Variants in CSGALNACT1 observed in about 807,000 individuals in gnomAD.
CSGALNACT1 encodes the protein chondroitin sulfate N-acetylgalactosaminyltransferase 1.
CSGALNACT1 carries 52 observed loss-of-function variants against 51.0 expected under a neutral mutation model. That is an observed-to-expected ratio of 1.02 (90% CI 0.82 to 1.29). The LOEUF is 1.29. CSGALNACT1 is among the 50% of genes most tolerant of loss of function. The pLI, the probability that CSGALNACT1 is intolerant of heterozygous loss-of-function variation, is 0.00. For synonymous variants in CSGALNACT1, 341 were observed against 254.4 expected (o/e 1.34, Z -3.24); for missense variants, 935 against 679.2 (o/e 1.38, Z -4.19).
At chr8:19,458,324 G>A in intron 5 of CSGALNACT1, 102 bp downstream of exon 4, 1 of 980,062 alleles carries the variant, frequency 1.0e-6, no homozygotes, top group Non-Finnish European at 1.7e-6. Flanking sequence ...GAGAAAGGAG[G>A]CTTTGTACTC....
At chr8:19,685,946 G>T (rs1442096286), upstream of CSGALNACT1, among the ~76,000 whole-genome samples, 1 of 152,090 alleles carries the variant, frequency 6.6e-6, no homozygotes, top group African/African-American at 2.4e-5. Flanking sequence ...TAAAACTTGG[G>T]TAGTGCCATC....
At chr8:19,513,462 A>ATATATATATATATATATATATATTTT (rs1226907527) in intron 3 of CSGALNACT1, among the ~76,000 whole-genome samples, 2 of 140,214 alleles carry the variant, frequency 1.4e-5, no homozygotes, top group African/African-American at 5.4e-5. Context: ...ATATATATAT[A>ATATATATATATATATATATATATTTT]TTTTGTGCCA....
chr8:19,635,348 G>A (rs2055890619), intron 1 of CSGALNACT1, among the ~76,000 whole-genome samples: 1 of 152,208 alleles, frequency 6.6e-6, no homozygotes, highest in Admixed American at 6.5e-5. Context: ...CTTGCCTACA[G>A]CATCTCCTGA....
chr8:19,465,579 T>A (rs955799620), intron 4 of CSGALNACT1, among the ~76,000 whole-genome samples: 10 of 152,246 alleles, frequency 6.6e-5, no homozygotes, highest in Non-Finnish European at 1.2e-4. Context: ...TGCACATGTC[T>A]ATGCTTCCAC....
intron 8 of CSGALNACT1, among the ~76,000 whole-genome samples, chr8:19,409,789 G>T (rs924827400): frequency 6.6e-6 from 1 of 152,108 alleles, no homozygotes. Flanking sequence ...GAGGGGAGAA[G>T]CATCAGAGTC....
At chr8:19,706,706 G>A (rs1037209083) in intron 1 of CSGALNACT1, among the ~76,000 whole-genome samples, 2 of 152,142 alleles carry the variant, frequency 1.3e-5, no homozygotes, top group African/African-American at 4.8e-5. Context: ...GACATCAGGT[G>A]TGGGCACTCC....
At chr8:19,745,186 T>C (rs967035720) in intron 1 of CSGALNACT1, among the ~76,000 whole-genome samples, 1 of 152,304 alleles carries the variant, frequency 6.6e-6, no homozygotes. Flanking sequence ...TCAAATAGGG[T>C]TTAGCACATA....
At chr8:19,432,741 A>G (rs1172498656) in intron 6 of CSGALNACT1, among the ~76,000 whole-genome samples, 1 of 151,818 alleles carries the variant, frequency 6.6e-6, no homozygotes, top group Non-Finnish European at 1.5e-5. Context: ...CGTTTTTGTT[A>G]TTGTAGTTTT....
intron 1 of CSGALNACT1, among the ~76,000 whole-genome samples, chr8:19,674,219 G>A (rs553178443): frequency 7.8e-4 from 119 of 152,314 alleles, no homozygotes; most frequent in African/African-American, 2.8e-3. Context: ...TTCGAACCTG[G>A]GAGGTGGAGG....
intron 1 of CSGALNACT1, among the ~76,000 whole-genome samples, chr8:19,649,087 G>A (rs182484372): frequency 6.6e-6 from 1 of 152,148 alleles, no homozygotes; most frequent in Non-Finnish European, 1.5e-5. Flanking sequence ...TGTATTCTGT[G>A]TGCCAATAAT....
chr8:19,676,833 T>C (rs1009107807), intron 1 of CSGALNACT1, among the ~76,000 whole-genome samples: 2 of 152,186 alleles, frequency 1.3e-5, no homozygotes, highest in African/African-American at 4.8e-5. Context: ...GGCTCGGTAC[T>C]GGAACCAAAG....
intron 1 of CSGALNACT1, among the ~76,000 whole-genome samples, chr8:19,719,142 A>G (rs1231405479): frequency 6.6e-6 from 1 of 152,204 alleles, no homozygotes; most frequent in African/African-American, 2.4e-5. Context: ...CATACACTAT[A>G]CAAAACAGTA....
intron 1 of CSGALNACT1, among the ~76,000 whole-genome samples, chr8:19,660,714 T>C (rs1221054058): frequency 1.3e-5 from 2 of 151,958 alleles, no homozygotes; most frequent in African/African-American, 4.8e-5. Flanking sequence ...AGAGCCTACC[T>C]CCCCATGATC....
intron 2 of CSGALNACT1, among the ~76,000 whole-genome samples, chr8:19,597,179 CTTTT>C (rs2049085620): frequency 6.6e-6 from 1 of 151,978 alleles, no homozygotes; most frequent in South Asian, 2.1e-4. Context: ...AATTTCTCTC[CTTTT>C]TAAGGCTGAA....
intron 4 of CSGALNACT1, among the ~76,000 whole-genome samples, chr8:19,490,175 T>C (rs2074050404): frequency 6.6e-6 from 1 of 152,134 alleles, no homozygotes; most frequent in South Asian, 2.1e-4. Context: ...AAATAGCGCA[T>C]GGAACATCAC....
chr8:19,435,470 TA>T (rs896911136), intron 6 of CSGALNACT1, among the ~76,000 whole-genome samples: 4 of 140,638 alleles, frequency 2.8e-5, no homozygotes, highest in African/African-American at 1.1e-4. Context: ...TCCAGCCTGG[TA>T]AAAAAGTGAG....
intron 9 of CSGALNACT1, among the ~76,000 whole-genome samples, 182 bp from the exon 9 acceptor site, chr8:19,406,251 C>T (rs915578364): frequency 2.6e-5 from 4 of 152,014 alleles, no homozygotes; most frequent in Non-Finnish European, 4.4e-5. Flanking sequence ...CCAACAAAGA[C>T]GACTTTTATG....
At chr8:19,668,347 C>CACAG (rs2059545072) in intron 1 of CSGALNACT1, among the ~76,000 whole-genome samples, 1 of 145,472 alleles carries the variant, frequency 6.9e-6, no homozygotes. Flanking sequence ...CGGTTACACA[C>CACAG]ACACACACAC....
intron 1 of CSGALNACT1, among the ~76,000 whole-genome samples, chr8:19,748,211 C>G (rs62494512): frequency 6.6e-6 from 1 of 152,104 alleles, no homozygotes; most frequent in South Asian, 2.1e-4. Context: ...ATTACCTTTC[C>G]GGTAACTAAT....
Sources: gnomAD v4.1 joint callset for allele counts (sites outside exome capture counted in the v4.1 genomes callset) on GRCh38, gnomAD v4.1.1 for gene constraint, MANE v1.5 for transcripts, NCBI Gene and HGNC (gene_info 2026-07-23, HGNC 2026-07-21) for gene names.